TRPM7: variants seen among roughly 807,000 people sequenced by gnomAD.
TRPM7 encodes transient receptor potential cation channel subfamily M member 7.
In TRPM7, 134 loss-of-function variants were observed where a neutral mutation model predicts 229.7. The ratio of observed to expected loss-of-function variants is 0.58; its 90% confidence interval spans 0.51 to 0.67. TRPM7 has a LOEUF of 0.67. TRPM7 is among the 30% of genes least tolerant of loss of function. The pLI is 0.00. For missense variants in TRPM7, 1,901 were observed against 2,210.0 expected, an observed-to-expected ratio of 0.86 and a Z score of 2.80; for synonymous variants, 699 against 715.2, an observed-to-expected ratio of 0.98 and a Z score of 0.36.
chr15:50,596,506 G>T, intron 22 of TRPM7, 125 bp from the exon 23 acceptor site: 1 of 774,638 alleles, frequency 1.3e-6, no homozygotes, highest in Non-Finnish European at 1.9e-6. Flanking sequence ...GTACAAATCT[G>T]TTTCACAGAT....
At chr15:50,592,654 C>A in intron 25 of TRPM7, 28 bp from the exon 26 acceptor site, 3 of 1,413,824 alleles carry the variant, frequency 2.1e-6, no homozygotes, top group South Asian at 2.9e-5. Flanking sequence ...GCTTTTTTTA[C>A]AAATGTGAAA....
chr15:50,651,428 G>A (rs534139482), intron 3 of TRPM7, among the ~76,000 whole-genome samples: 1 of 150,992 alleles, frequency 6.6e-6, no homozygotes, highest in South Asian at 2.1e-4. Context: ...GGTGGATCAC[G>A]AGGTCAGGAG....
Position 50,662,963 on chromosome 15 carries a change from T to C in TRPM7, c.83+4A>G, listed in dbSNP as rs761675019. Reference sequence around the variant, plus strand: ...GACCCCAGAAGTAACAAAGGTGTGCTTACCTGTGAGGGTCCTTGGAACTTG... The same window carrying C: ...GACCCCAGAAGTAACAAAGGTGTGCCTACCTGTGAGGGTCCTTGGAACTTG... On this transcript the variant is annotated splice_donor_region_variant and intron_variant, in intron 2 of 38. Transcript: ENST00000646667. The C allele has an allele frequency of 8.1e-6, 13 of 1,608,104 alleles. No homozygotes were observed. In the East Asian group the frequency reaches 2.5e-4, roughly 30 times the overall value.
intron 38 of TRPM7, among the ~76,000 whole-genome samples, chr15:50,567,210 G>A (rs1477768517): frequency 1.3e-5 from 2 of 151,354 alleles, no homozygotes; most frequent in Non-Finnish European, 2.9e-5. Flanking sequence ...AAGTTTTAGG[G>A]TACATGTGCA....
intron 10 of TRPM7, 114 bp from the exon 11 acceptor site, chr15:50,628,363 G>A: frequency 1.5e-6 from 1 of 674,200 alleles, no homozygotes; most frequent in South Asian, 1.9e-5. Flanking sequence ...AGGCTAAAGT[G>A]CAAAGGTGAT....
chr15:50,594,669 T>G (rs2059589984), intron 23 of TRPM7, 56 bp from the exon 24 acceptor site: 2 of 1,175,894 alleles, frequency 1.7e-6, no homozygotes, highest in Non-Finnish European at 2.4e-6. Context: ...TCTTAAAGTT[T>G]TAAATACTGA....
chr15:50,567,409 C>T (rs150457534), intron 38 of TRPM7, among the ~76,000 whole-genome samples: 2 of 152,204 alleles, frequency 1.3e-5, no homozygotes, highest in East Asian at 1.9e-4. Context: ...TCCTATCAAA[C>T]ATTCATGGTA....
At chr15:50,667,754 T>A (rs2061916502) in intron 1 of TRPM7, among the ~76,000 whole-genome samples, 1 of 152,122 alleles carries the variant, frequency 6.6e-6, no homozygotes, top group Non-Finnish European at 1.5e-5. Context: ...TAAAATTGGA[T>A]CAATTTGTCT....
At chr15:50,634,306 C>T in intron 8 of TRPM7, 76 bp downstream of exon 8, 1 of 1,164,616 alleles carries the variant, frequency 8.6e-7, no homozygotes, top group South Asian at 2.1e-5. Context: ...GGCTGGGAGA[C>T]ACAGCAAGAC....
chr15:50,623,493 T>G (rs8025206), intron 12 of TRPM7, among the ~76,000 whole-genome samples: 2 of 72,364 alleles, frequency 2.8e-5, no homozygotes, highest in Non-Finnish European at 6.9e-5. Flanking sequence ...CCCCGCCCCC[T>G]CCCCGCCCCG....
rs749210209 is a variant in TRPM7, at chr15:50,592,509, C to A, written c.3726G>T (p.Thr1242=). 1.2e-6 allele frequency: 2 copies of A among 1,613,822 alleles called. No homozygotes were observed. The highest frequency in any genetic ancestry group is 1.3e-5 in the African/African-American group (1 of 74,884). The change falls in exon 26 of 39, where the codon ACG becomes ACT. Residue 1242 remains threonine, a synonymous_variant. Coordinates refer to ENST00000646667, the MANE Select transcript of TRPM7 (RefSeq NM_017672.6). ...IGHLQDLSAL[T]VDTLKTLTAQ... ...CAGTGAGTGTTTTTAATGTATCTAC[C>A]GTCAGGGCTGAAAGATCTTGCAAAT...
In TRPM7 at chr15:50,618,422, T is replaced by G. The variant is rs545831697; in HGVS notation, c.1494+1323A>C. Among the ~76,000 whole-genome samples the G allele has an allele frequency of 1.3e-3, 195 of 151,904 alleles. 1 individual carries two copies. Among genetic ancestry groups the G allele is most frequent in the Non-Finnish European group, 2.3e-3 (156 of 67,932 alleles). On this transcript the variant is annotated intron_variant, in intron 13 of 38. Coordinates refer to ENST00000646667, the MANE Select transcript of TRPM7 (RefSeq NM_017672.6). ...CGTCTCTACTAAAAATACAAAAAAT[T>G]AGCCAGGCGTGGTGGCAGGTGCCTG... is the stretch of plus-strand genomic sequence containing the variant.
chr15:50,617,525 T>C (rs2060262042), intron 13 of TRPM7, among the ~76,000 whole-genome samples: 4 of 152,018 alleles, frequency 2.6e-5, no homozygotes, highest in Admixed American at 6.6e-5. Flanking sequence ...ATTTTAAGTA[T>C]AAAATGTCTC....
chr15:50,580,936 CA>C, intron 29 of TRPM7, 28 bp from the exon 30 acceptor site: 2 of 1,563,252 alleles, frequency 1.3e-6, no homozygotes, highest in Non-Finnish European at 8.6e-7. Flanking sequence ...CACACACACA[CA>C]AAAACCTTAA....
chr15:50,668,985 T>G (rs1410939376), intron 1 of TRPM7, among the ~76,000 whole-genome samples: 1 of 152,216 alleles, frequency 6.6e-6, no homozygotes, highest in African/African-American at 2.4e-5. Flanking sequence ...CCTCATATCT[T>G]GTCTACGCAG....
At chr15:50,679,389 A>G (rs949412037) in intron 1 of TRPM7, among the ~76,000 whole-genome samples, 1 of 148,520 alleles carries the variant, frequency 6.7e-6, no homozygotes, top group East Asian at 1.9e-4. Flanking sequence ...CGAGTAAGCC[A>G]TATCAACCCA....
Position 50,643,158 on chromosome 15 carries a change from G to A in TRPM7, c.535+182C>T, listed in dbSNP as rs531093736. On this transcript the variant is annotated intron_variant, in intron 5 of 38. Transcript: ENST00000646667. ...ACAAAAATTAACCGGGCATGGTGGC[G>A]CAGGCCTGTAATCCCAGCTACTCTG... 2.3e-3 allele frequency among the ~76,000 whole-genome samples: 343 copies of A among 152,190 alleles called. 1 individual carries two copies. The highest frequency in any genetic ancestry group is 7.8e-3 in the African/African-American group (323 of 41,514).
At chr15:50,576,055 T>C (rs2054115857) in intron 31 of TRPM7, 136 bp from the exon 32 acceptor site, 1 of 823,152 alleles carries the variant, frequency 1.2e-6, no homozygotes, top group African/African-American at 1.7e-5. Flanking sequence ...AAATTAGGGA[T>C]AAAATATGTC....
In TRPM7 at chr15:50,611,215, T is replaced by C. The variant is rs1040254222; in HGVS notation, c.2158A>G (p.Thr720Ala). The C allele has an allele frequency of 6.2e-6, 10 of 1,613,978 alleles. No homozygotes were observed. The highest frequency in any genetic ancestry group is 7.6e-6 in the Non-Finnish European group (9 of 1,179,942). The part of the protein sequence containing the change: ...TYELKNWSNS[T>A]CLKLAVSSRL... ...GAAGAAACTGCTAACTTAAGGCAGG[T>C]TGAATTACTCCAGTTCTTCAGTTCA... Residue 720 changes from threonine to alanine, a missense_variant, in exon 17 of 39, where the codon ACC becomes GCC. Thr to Ala is a moderately conservative substitution (Grantham distance 58, BLOSUM62 0). Transcript: ENST00000646667.
Sources: gnomAD v4.1 joint callset for allele counts (sites outside exome capture counted in the v4.1 genomes callset) on GRCh38, gnomAD v4.1.1 for gene constraint, MANE v1.5 for transcripts, NCBI Gene and HGNC (gene_info 2026-07-23, HGNC 2026-07-21) for gene names.